The following SGK3 variants were observed in gnomAD, a reference collection of about 807,000 sequenced individuals.
SGK3 encodes serine/threonine-protein kinase Sgk3.
SGK3 carries 47 observed loss-of-function variants against 68.5 expected under a neutral mutation model. That is an observed-to-expected ratio of 0.69 (90% CI 0.54 to 0.87). The LOEUF (loss-of-function observed/expected upper bound fraction) is 0.87, where lower values mean the gene tolerates loss of function less well. SGK3 is among the 40% of genes least tolerant of loss of function. The pLI is 0.00. For synonymous variants in SGK3, 181 were observed against 189.1 expected (o/e 0.96, Z 0.35); for missense variants, 479 against 575.5 (o/e 0.83, Z 1.72).
At chr8:66,719,812 A>G (rs1213589139) in intron 1 of SGK3, among the ~76,000 whole-genome samples, 1 of 152,254 alleles carries the variant, frequency 6.6e-6, no homozygotes, top group African/African-American at 2.4e-5. Context: ...CAAATAAAAG[A>G]AGAAATAGAG....
At chr8:66,745,267 A>G (rs1269860880) in intron 1 of SGK3, among the ~76,000 whole-genome samples, 3 of 152,154 alleles carry the variant, frequency 2.0e-5, no homozygotes, top group Non-Finnish European at 4.4e-5. Flanking sequence ...TTAAAAGAAT[A>G]TGTTAGAAAC....
intron 9 of SGK3, 42 bp from the exon 10 acceptor site, chr8:66,835,901 T>G (rs2130709432): frequency 6.2e-7 from 1 of 1,611,078 alleles, no homozygotes; most frequent in Non-Finnish European, 8.5e-7. Flanking sequence ...AGAGAGCTGT[T>G]TTCTAGTGTA....
At chr8:66,796,319 G>GTCTTTTTTTTTTTTTTTTT (rs1427904115) in intron 2 of SGK3, among the ~76,000 whole-genome samples, 1 of 14,416 alleles carries the variant, frequency 6.9e-5, no homozygotes, top group African/African-American at 2.0e-4. Flanking sequence ...TGTATTTTTT[G>GTCTTTTTTTTTTTTTTTTT]TATTTTTTTT....
intron 15 of SGK3, among the ~76,000 whole-genome samples, chr8:66,849,826 A>T (rs924272254): frequency 6.6e-6 from 1 of 151,952 alleles, no homozygotes; most frequent in Non-Finnish European, 1.5e-5. Flanking sequence ...TGATCCTCCC[A>T]CTTCGGACTC....
At chr8:66,792,329 C>CAA (rs1215954300) in intron 1 of SGK3, among the ~76,000 whole-genome samples, 1,913 of 53,458 alleles carry the variant, frequency 0.036, 57 homozygotes, top group African/African-American at 0.11. Flanking sequence ...AACTCCATCT[C>CAA]AAAAAAAAAA....
At chr8:66,840,388 G>A (rs1392571091) in intron 12 of SGK3, 141 bp downstream of exon 12, 2 of 879,582 alleles carry the variant, frequency 2.3e-6, no homozygotes, top group East Asian at 2.7e-5. Context: ...GGTAGGGATG[G>A]AGAACAGATT....
chr8:66,833,836 C>T (rs1809399758), intron 8 of SGK3, among the ~76,000 whole-genome samples: 3 of 152,184 alleles, frequency 2.0e-5, no homozygotes, highest in South Asian at 2.1e-4. Context: ...GGATTACAGG[C>T]GTGTGCCACC....
chr8:66,792,555 G>T (rs1267562096), intron 1 of SGK3, among the ~76,000 whole-genome samples: 1 of 151,918 alleles, frequency 6.6e-6, no homozygotes, highest in Non-Finnish European at 1.5e-5. Flanking sequence ...AACATCCAGG[G>T]CAATTATCCA....
chr8:66,827,715 A>G (rs994134720), intron 6 of SGK3, among the ~76,000 whole-genome samples: 3 of 152,202 alleles, frequency 2.0e-5, no homozygotes, highest in Non-Finnish European at 4.4e-5. Flanking sequence ...TCTTCATAGC[A>G]TACTAGGTAA....
At chr8:66,857,159 A>G (rs1810545084) in intron 16 of SGK3, among the ~76,000 whole-genome samples, 1 of 152,212 alleles carries the variant, frequency 6.6e-6, no homozygotes. Flanking sequence ...AGGATTGTAT[A>G]TAAGAATTTG....
chr8:66,770,688 G>A (rs999126739), intron 1 of SGK3, among the ~76,000 whole-genome samples: 3 of 152,116 alleles, frequency 2.0e-5, no homozygotes, highest in Non-Finnish European at 4.4e-5. Context: ...GCTTTCATAT[G>A]TTTTTTTCTT....
Position 66,784,082 on chromosome 8 carries a change from G to A in SGK3, c.-121-9534G>A, listed in dbSNP as rs555665641. On this transcript the variant is annotated intron_variant, in intron 1 of 16. Transcript: ENST00000521198. ...CCGGCTAATTTTTAAACTTTTTTTT[G>A]TGGAGACAGGCTCTCACTATATTTC... Among the ~76,000 whole-genome samples the A allele has an allele frequency of 7.8e-4, 119 of 151,696 alleles. 1 individual carries two copies. Among genetic ancestry groups the A allele is most frequent in the African/African-American group, 2.8e-3 (117 of 41,358 alleles).
chr8:66,850,815 T>A lies in SGK3; in HGVS notation c.1231-16T>A, dbSNP rs1464761196. The stretch of plus-strand genomic sequence containing the variant: ...TTCTTCGGCATTAGTAAAACAAATT[T>A]TTTTTAATATTCCAGCTTGAAATTC... On this transcript the variant is annotated splice_polypyrimidine_tract_variant and intron_variant, in intron 15 of 16. Transcript: ENST00000521198. The A allele has an allele frequency of 1.3e-6, 2 of 1,582,544 alleles. No individual in the cohort carries two copies. The highest frequency in any genetic ancestry group is 1.7e-6 in the Non-Finnish European group (2 of 1,162,504).
At chr8:66,797,817 G>A (rs952746829) in intron 2 of SGK3, among the ~76,000 whole-genome samples, 8 of 152,068 alleles carry the variant, frequency 5.3e-5, no homozygotes, top group South Asian at 2.1e-4. Context: ...TGAATCTATC[G>A]TATTTTATTC....
At chr8:66,790,086 G>GA (rs902883678) in intron 1 of SGK3, among the ~76,000 whole-genome samples, 9 of 151,532 alleles carry the variant, frequency 5.9e-5, no homozygotes, top group Non-Finnish European at 7.4e-5. Context: ...TCAAAAAAAA[G>GA]AAAAAAAATA....
intron 1 of SGK3, among the ~76,000 whole-genome samples, chr8:66,779,453 G>A (rs1011035100): frequency 4.0e-5 from 6 of 150,196 alleles, no homozygotes; most frequent in Non-Finnish European, 7.4e-5. Context: ...TTGATTTTAG[G>A]TGCTTATAGA....
At chr8:66,752,036 A>AT (rs1480885340) in intron 1 of SGK3, among the ~76,000 whole-genome samples, 1 of 152,268 alleles carries the variant, frequency 6.6e-6, no homozygotes, top group Non-Finnish European at 1.5e-5. Context: ...AAGTGCTGGG[A>AT]TTACAGGCAT....
chr8:66,813,612 T>C (rs1808466116), intron 4 of SGK3, among the ~76,000 whole-genome samples: 1 of 150,366 alleles, frequency 6.7e-6, no homozygotes, highest in Non-Finnish European at 1.5e-5. Context: ...TTTTTGGAGA[T>C]AAATTGTCTG....
chr8:66,837,008 A>G (rs377686339), intron 10 of SGK3, among the ~76,000 whole-genome samples: 2 of 152,182 alleles, frequency 1.3e-5, no homozygotes, highest in South Asian at 2.1e-4. Context: ...AATAATTACA[A>G]TAATAACTAA....
Sources: allele counts gnomAD v4.1 joint callset (sites outside exome capture counted in the v4.1 genomes callset), GRCh38; gene constraint gnomAD v4.1.1; transcripts MANE v1.5; gene names NCBI Gene and HGNC (gene_info 2026-07-23, HGNC 2026-07-21).